Variants in TMEM132B observed in about 807,000 individuals in gnomAD.
TMEM132B encodes transmembrane protein 132B.
A neutral mutation model predicts 90.8 loss-of-function variants in TMEM132B; 18 were observed. The ratio of observed to expected loss-of-function variants is 0.20; its 90% CI spans 0.14 to 0.29. The LOEUF (loss-of-function observed/expected upper bound fraction) is 0.29, where lower values mean the gene tolerates loss of function less well. Ranked by LOEUF, TMEM132B falls within the 10% of genes least tolerant of loss-of-function variation. The pLI is 1.00. For synonymous variants in TMEM132B, 504 were observed against 523.3 expected, an observed-to-expected ratio of 0.96 and a Z score of 0.50; for missense variants, 1,096 against 1,326.8, an observed-to-expected ratio of 0.83 and a Z score of 2.70.
chr12:125,408,251 T>A lies in TMEM132B; in HGVS notation c.960-7280T>A, dbSNP rs1393232168. On this transcript the variant is annotated intron_variant, in intron 2 of 8. Transcript: ENST00000682704. The surrounding 1 kb of genome is among the most constrained non-coding windows in gnomAD (Gnocchi z 5.9). ...GTGTTCCACTGTGAGATGTTACGCTTTACCAGTTCCGTTGTCAATGGGTGC... is the reference window on the plus strand; with the variant it reads ...GTGTTCCACTGTGAGATGTTACGCTATACCAGTTCCGTTGTCAATGGGTGC... Among the ~76,000 whole-genome samples, 1 of 152,208 alleles carries A rather than the reference T, an allele frequency of 6.6e-6. No homozygotes were observed. The highest frequency in any genetic ancestry group is 6.5e-5 in the Admixed American group (1 of 15,286).
At chr12:125,608,383 A>G (rs1593019487) in intron 5 of TMEM132B, among the ~76,000 whole-genome samples, 2 of 152,188 alleles carry the variant, frequency 1.3e-5, no homozygotes, top group East Asian at 3.8e-4. Flanking sequence ...ACTTGGAAAA[A>G]TGTCTATTGA....
At chr12:125,632,521 A>G (rs1300839392) in intron 5 of TMEM132B, among the ~76,000 whole-genome samples, 1 of 152,080 alleles carries the variant, frequency 6.6e-6, no homozygotes, top group Admixed American at 6.5e-5. Flanking sequence ...TTGCTCATTA[A>G]TGTCCTTTTC....
chr12:125,501,287 G>A (rs566251530), intron 3 of TMEM132B, among the ~76,000 whole-genome samples: 1 of 152,290 alleles, frequency 6.6e-6, no homozygotes, highest in South Asian at 2.1e-4. Context: ...ACTGTTCTCT[G>A]TTCCATACAA....
intron 3 of TMEM132B, among the ~76,000 whole-genome samples, chr12:125,518,133 T>A (rs979866793): frequency 1.3e-5 from 2 of 152,088 alleles, no homozygotes; most frequent in Non-Finnish European, 2.9e-5. Flanking sequence ...ACCAATCAGG[T>A]CAGTGTGATT....
chr12:125,315,962 A>G (rs1876258919), intron 1 of TMEM132B, among the ~76,000 whole-genome samples: 1 of 152,108 alleles, frequency 6.6e-6, no homozygotes, highest in South Asian at 2.1e-4. Context: ...TGTTGCAGAA[A>G]TGGAAGATCA....
intron 1 of TMEM132B, among the ~76,000 whole-genome samples, chr12:125,247,364 G>A (rs1056299962): frequency 6.6e-6 from 1 of 152,138 alleles, no homozygotes; most frequent in African/African-American, 2.4e-5. Context: ...AACCTCATAG[G>A]AGACAGGTTC....
intron 1 of TMEM132B, among the ~76,000 whole-genome samples, chr12:125,297,476 A>G (rs900511217): frequency 6.6e-6 from 1 of 152,240 alleles, no homozygotes. Flanking sequence ...TCCAAGTTTT[A>G]GAAAGCAGAG....
intron 1 of TMEM132B, among the ~76,000 whole-genome samples, chr12:125,270,805 T>C (rs577731041): frequency 1.4e-3 from 217 of 151,464 alleles, no homozygotes; most frequent in Middle Eastern, 0.01. Context: ...GGGTAGGAGG[T>C]GCAGTAGAGG....
intron 5 of TMEM132B, among the ~76,000 whole-genome samples, chr12:125,590,139 T>C (rs1049794094): frequency 3.3e-5 from 5 of 152,146 alleles, no homozygotes; most frequent in Admixed American, 1.3e-4. Flanking sequence ...GTAAGCTTCC[T>C]GAGGTCCTTG....
chr12:125,601,366 C>T (rs1382892490), intron 5 of TMEM132B, among the ~76,000 whole-genome samples: 1 of 152,098 alleles, frequency 6.6e-6, no homozygotes, highest in African/African-American at 2.4e-5. Flanking sequence ...TGAATGACTC[C>T]TGGGAAATAA....
At chr12:125,555,721 A>AT (rs1476454632) in intron 4 of TMEM132B, among the ~76,000 whole-genome samples, 2,374 of 150,624 alleles carry the variant, frequency 0.016, 20 homozygotes, top group Non-Finnish European at 0.025. Flanking sequence ...AGTAAAAAAA[A>AT]ATATATATAT....
At chr12:125,570,172 G>A (rs553054272) in intron 4 of TMEM132B, among the ~76,000 whole-genome samples, 2 of 152,350 alleles carry the variant, frequency 1.3e-5, no homozygotes, top group South Asian at 4.1e-4. Flanking sequence ...GAAGTTTGCA[G>A]TCTAGTGACT....
At chr12:125,478,561 A>T (rs567273899) in intron 3 of TMEM132B, among the ~76,000 whole-genome samples, 19 of 152,336 alleles carry the variant, frequency 1.2e-4, no homozygotes, top group Admixed American at 1.2e-3. Flanking sequence ...AGTTTAGAGA[A>T]AAAAGAGTAA....
At chr12:125,375,477 T>C (rs924457627) in intron 2 of TMEM132B, among the ~76,000 whole-genome samples, 3 of 152,120 alleles carry the variant, frequency 2.0e-5, no homozygotes, top group Non-Finnish European at 4.4e-5. Context: ...AGTCATGGAG[T>C]GGAGGAACAC....
At chr12:125,431,670 G>A (rs186138844) in intron 3 of TMEM132B, among the ~76,000 whole-genome samples, 16 of 152,322 alleles carry the variant, frequency 1.1e-4, no homozygotes, top group East Asian at 1.9e-4. Flanking sequence ...CTTCCAGGAC[G>A]GTGGCTTTTG....
chr12:125,365,997 A>G (rs1169255724), intron 2 of TMEM132B, among the ~76,000 whole-genome samples: 3 of 151,900 alleles, frequency 2.0e-5, no homozygotes, highest in South Asian at 4.2e-4. Context: ...CCGTTAATCA[A>G]CTTCTCATCC....
intron 4 of TMEM132B, among the ~76,000 whole-genome samples, chr12:125,523,516 A>G (rs1883365133): frequency 6.6e-6 from 1 of 151,960 alleles, no homozygotes; most frequent in African/African-American, 2.4e-5. Flanking sequence ...TAACTTCATC[A>G]CACTTGCAGA....
In TMEM132B at chr12:125,650,666, G is replaced by T. The variant is rs776184285; in HGVS notation, c.1644-17G>T. 6.2e-7 allele frequency: 1 copy of T among 1,601,056 alleles called. No individual in the cohort carries two copies. Among genetic ancestry groups the T allele is most frequent in the Non-Finnish European group, 8.6e-7 (1 of 1,169,032 alleles). ...AACAATGAAGACTTTGTTCTGTTTC[G>T]ATTCCTTGTGCTCCAGGCCTACCCG... On this transcript the variant is annotated splice_polypyrimidine_tract_variant and intron_variant, in intron 6 of 8. Coordinates refer to ENST00000682704, the MANE Select transcript of TMEM132B (RefSeq NM_001366854.1).
At chr12:125,643,892 T>G (rs1309071936) in intron 5 of TMEM132B, among the ~76,000 whole-genome samples, 184 bp from the exon 6 acceptor site, 1 of 152,176 alleles carries the variant, frequency 6.6e-6, no homozygotes, top group Non-Finnish European at 1.5e-5. Flanking sequence ...TTTCCTGGAG[T>G]CTATTTGTCA....
Sources: gnomAD v4.1 joint callset for allele counts (sites outside exome capture counted in the v4.1 genomes callset) on GRCh38, gnomAD v4.1.1 for gene constraint, Gnocchi (gnomAD v3.1) non-coding constraint, MANE v1.5 for transcripts, NCBI Gene and HGNC (gene_info 2026-07-23, HGNC 2026-07-21) for gene names.